Variants in KCND2 observed in about 807,000 individuals in gnomAD.
KCND2 encodes potassium voltage-gated channel subfamily D member 2, also known as A-type voltage-gated potassium channel KCND2.
Under a neutral mutation model 54.4 loss-of-function variants are expected in KCND2, and 16 were observed. The ratio of observed to expected loss-of-function variants is 0.29; its 90% confidence interval spans 0.20 to 0.45. The LOEUF (loss-of-function observed/expected upper bound fraction) is 0.45, where lower values mean the gene tolerates loss of function less well. Among genes scored for constraint, KCND2 ranks in the 20% least tolerant of loss-of-function variants. The pLI is 1.00. For synonymous variants in KCND2, 317 were observed against 310.7 expected, an observed-to-expected ratio of 1.02 and a Z score of -0.21; for missense variants, 486 against 824.2, an observed-to-expected ratio of 0.59 and a Z score of 5.02.
chr7:120,610,198 G>A (rs958329587), intron 1 of KCND2, among the ~76,000 whole-genome samples: 1 of 152,128 alleles, frequency 6.6e-6, no homozygotes, highest in Non-Finnish European at 1.5e-5. Context: ...GATGAAAGCA[G>A]GTGAGGCAGA....
rs1407705047 is a variant in KCND2 at position 120,444,996 on chromosome 7, C to T, written c.1115+169249C>T. Among the ~76,000 whole-genome samples the T allele has an allele frequency of 8.5e-5, 13 of 152,194 alleles. No homozygotes were observed. In the East Asian group the frequency reaches 2.5e-3, roughly 29 times the overall value. On this transcript the variant is annotated intron_variant, in intron 1 of 5. Transcript: ENST00000331113. ...TTCAGGCAATTTAATTTTCTGCCCA[C>T]TTCACAAAGAAATGTCAGGCTGAAA... is the stretch of plus-strand genomic sequence containing the variant.
At chr7:120,537,993 A>G (rs1440397510) in intron 1 of KCND2, among the ~76,000 whole-genome samples, 1 of 152,216 alleles carries the variant, frequency 6.6e-6, no homozygotes, top group African/African-American at 2.4e-5. Context: ...CTTTGCATCC[A>G]CAACTTGACT....
intron 1 of KCND2, among the ~76,000 whole-genome samples, chr7:120,451,465 A>T (rs1190100473): frequency 6.6e-6 from 1 of 152,178 alleles, no homozygotes; most frequent in South Asian, 2.1e-4. Context: ...CAATACAAAT[A>T]ATAATAAACA....
At chr7:120,501,174 C>G (rs2116316934) in intron 1 of KCND2, among the ~76,000 whole-genome samples, 1 of 152,224 alleles carries the variant, frequency 6.6e-6, no homozygotes, top group East Asian at 1.9e-4. Context: ...TCTTGGGGAA[C>G]AGACTCACGG....
chr7:120,438,755 A>C (rs1187017118), intron 1 of KCND2, among the ~76,000 whole-genome samples: 2 of 152,158 alleles, frequency 1.3e-5, no homozygotes, highest in Non-Finnish European at 2.9e-5. Context: ...CTGCCAGGAT[A>C]TCTTTCTTTG....
At chr7:120,369,778 A>T (rs1584750456) in intron 1 of KCND2, among the ~76,000 whole-genome samples, 1 of 152,160 alleles carries the variant, frequency 6.6e-6, no homozygotes, top group South Asian at 2.1e-4. Flanking sequence ...CTCAGACAAC[A>T]ATATTTATTT....
rs573395696 is a variant in KCND2, at chr7:120,404,001, T to A, written c.1115+128254T>A. On this transcript the variant is annotated intron_variant, in intron 1 of 5. Transcript: ENST00000331113. ...ATGATTTTTTTTTCTGTAAAGCATA[T>A]TCATTAAAACTATGCTTGGAAATTA... Among the ~76,000 whole-genome samples the A allele has an allele frequency of 3.3e-5, 5 of 152,280 alleles. No individual in the cohort carries two copies. The South Asian group carries it at 1.0e-3, about 32-fold the overall frequency.
At chr7:120,285,187 A>G (rs1158941035) in intron 1 of KCND2, among the ~76,000 whole-genome samples, 3 of 152,080 alleles carry the variant, frequency 2.0e-5, no homozygotes, top group Non-Finnish European at 4.4e-5. Context: ...CTCTGGTAAT[A>G]ACACTGTATT....
chr7:120,661,939 C>A (rs986501697), intron 1 of KCND2, among the ~76,000 whole-genome samples: 1 of 152,152 alleles, frequency 6.6e-6, no homozygotes, highest in Non-Finnish European at 1.5e-5. Context: ...GTTCCATGAG[C>A]CTCCCCTTTT....
At position 120,459,065 on chromosome 7, in the gene KCND2, G is replaced by A. The variant is rs528851651; in HGVS notation, c.1115+183318G>A. Among the ~76,000 whole-genome samples, 49 of 151,992 alleles carry A rather than the reference G, an allele frequency of 3.2e-4. 1 individual carries two copies. In the South Asian group the frequency reaches 8.9e-3, roughly 28 times the overall value. Reference sequence around the variant, plus strand: ...TACTCAAAATGAAGCATTTAAAGTTGAAATGCATATACCTCAGAACCTTCC... The same window carrying A: ...TACTCAAAATGAAGCATTTAAAGTTAAAATGCATATACCTCAGAACCTTCC... On this transcript the variant is annotated intron_variant, in intron 1 of 5. Transcript: ENST00000331113.
intron 1 of KCND2, among the ~76,000 whole-genome samples, chr7:120,367,547 T>C (rs1033445276): frequency 2.0e-5 from 3 of 151,490 alleles, no homozygotes; most frequent in African/African-American, 7.3e-5. Context: ...TATGGGAAAT[T>C]TCAGAAAATC....
chr7:120,579,063 C>G (rs1346727389), intron 1 of KCND2, among the ~76,000 whole-genome samples: 1 of 151,892 alleles, frequency 6.6e-6, no homozygotes. Flanking sequence ...GGAAGTTTTT[C>G]CAAAAATATA....
chr7:120,374,398 T>C (rs1054509738), intron 1 of KCND2, among the ~76,000 whole-genome samples: 1 of 151,780 alleles, frequency 6.6e-6, no homozygotes, highest in Non-Finnish European at 1.5e-5. Context: ...TCTAGTTTGG[T>C]GCCTCCCACT....
intron 1 of KCND2, among the ~76,000 whole-genome samples, chr7:120,379,359 A>G (rs550327967): frequency 6.6e-6 from 1 of 152,188 alleles, no homozygotes; most frequent in South Asian, 2.1e-4. Context: ...TGGTACAGAT[A>G]AATTAGATAG....
intron 1 of KCND2, among the ~76,000 whole-genome samples, chr7:120,328,437 A>G (rs1271888366): frequency 1.3e-5 from 2 of 152,160 alleles, no homozygotes; most frequent in Non-Finnish European, 2.9e-5. Context: ...TACAGAGTTA[A>G]AGTAACTTTC....
intron 1 of KCND2, among the ~76,000 whole-genome samples, chr7:120,498,186 A>G (rs993514642): frequency 1.3e-5 from 2 of 152,232 alleles, no homozygotes; most frequent in East Asian, 3.8e-4. Flanking sequence ...GTAAAATAGT[A>G]GCAGTATATT....
chr7:120,704,541 G>A (rs1259989378), intron 1 of KCND2, among the ~76,000 whole-genome samples: 1 of 152,068 alleles, frequency 6.6e-6, no homozygotes, highest in Non-Finnish European at 1.5e-5. Flanking sequence ...TCTGTTCAAA[G>A]AATATTTAAA....
chr7:120,436,636 G>A (rs894422035), intron 1 of KCND2, among the ~76,000 whole-genome samples: 1 of 152,158 alleles, frequency 6.6e-6, no homozygotes, highest in Non-Finnish European at 1.5e-5. Context: ...CAAAATGCCA[G>A]GTGGGGGGCC....
intron 1 of KCND2, among the ~76,000 whole-genome samples, chr7:120,347,455 CAGTA>C (rs1270839719): frequency 6.6e-6 from 1 of 152,070 alleles, no homozygotes; most frequent in African/African-American, 2.4e-5. Context: ...TCATGTTTGA[CAGTA>C]AGAGGTACAT....
Sources: allele counts gnomAD v4.1 joint callset (sites outside exome capture counted in the v4.1 genomes callset), GRCh38; gene constraint gnomAD v4.1.1; transcripts MANE v1.5; gene names NCBI Gene and HGNC (gene_info 2026-07-23, HGNC 2026-07-21).